The following ZFHX3 variants were observed in gnomAD, a reference collection of about 807,000 sequenced individuals.
ZFHX3 encodes the protein zinc finger homeobox protein 3.
Under a neutral mutation model 279.1 loss-of-function variants are expected in ZFHX3, and 42 were observed. That is an observed-to-expected ratio of 0.15 (90% CI 0.12 to 0.19). The LOEUF (loss-of-function observed/expected upper bound fraction) is 0.19, where lower values mean the gene tolerates loss of function less well. Among genes scored for constraint, ZFHX3 ranks in the 10% least tolerant of loss-of-function variants. ZFHX3 has a pLI of 1.00. For synonymous variants in ZFHX3, 2,293 were observed against 1,957.8 expected, an observed-to-expected ratio of 1.17 and a Z score of -4.52; for missense variants, 4,981 against 4,754.0, an observed-to-expected ratio of 1.05 and a Z score of -1.40.
chr16:72,881,422 G>A (rs949413498), intron 4 of ZFHX3, among the ~76,000 whole-genome samples: 1 of 152,176 alleles, frequency 6.6e-6, no homozygotes, highest in South Asian at 2.1e-4. Context: ...TTATAATTGG[G>A]TCACAGTTTG....
intron 4 of ZFHX3, among the ~76,000 whole-genome samples, chr16:72,872,029 T>C (rs1001945219): frequency 6.6e-6 from 1 of 151,762 alleles, no homozygotes; most frequent in African/African-American, 2.4e-5. Context: ...AGCTTGCAGT[T>C]AGCCGAGATC....
chr16:73,249,558 G>A (rs1443343227), intron 5 of ZFHX3, among the ~76,000 whole-genome samples: 16 of 152,138 alleles, frequency 1.1e-4, no homozygotes, highest in African/African-American at 4.8e-5. Context: ...GGGGGAAACC[G>A]CCCCCAAGAT....
intron 7 of ZFHX3, among the ~76,000 whole-genome samples, chr16:73,101,104 T>C (rs1284364749): frequency 1.3e-5 from 2 of 151,896 alleles, no homozygotes; most frequent in Non-Finnish European, 2.9e-5. Flanking sequence ...TGAGTCCCGC[T>C]TGCCTTCTTC....
intron 7 of ZFHX3, among the ~76,000 whole-genome samples, chr16:73,100,725 G>A (rs1190206486): frequency 6.6e-6 from 1 of 151,986 alleles, no homozygotes; most frequent in African/African-American, 2.4e-5. Context: ...AACCTCCCGA[G>A]TAGCTGGGAT....
chr16:73,364,584 G>A (rs1040983551), intron 3 of ZFHX3, among the ~76,000 whole-genome samples: 1 of 152,256 alleles, frequency 6.6e-6, no homozygotes, highest in African/African-American at 2.4e-5. Context: ...AGGGTAGCAT[G>A]GCCTAGTCTG....
chr16:73,501,860 C>G (rs1272039078), intron 2 of ZFHX3, among the ~76,000 whole-genome samples: 1 of 152,122 alleles, frequency 6.6e-6, no homozygotes, highest in Non-Finnish European at 1.5e-5. Flanking sequence ...CCCAACGTCT[C>G]GTCTGTAAGG....
intron 8 of ZFHX3, among the ~76,000 whole-genome samples, chr16:73,084,343 A>G (rs913285847): frequency 2.6e-5 from 4 of 152,128 alleles, no homozygotes; most frequent in African/African-American, 9.7e-5. Context: ...AAACTTAGAA[A>G]CACCACCAAA....
Position 72,919,692 on chromosome 16 carries a change from A to G in ZFHX3, c.3217-29730T>C, listed in dbSNP as rs2039533230. Among the ~76,000 whole-genome samples the G allele has an allele frequency of 2.6e-5, 4 of 151,162 alleles. No homozygotes were observed. In the South Asian group the frequency reaches 8.4e-4, roughly 32 times the overall value. ...ATCTAAAATATACCTCCAATTTTACATAAACGCAATGATCTGTATATGTAA... is the reference window on the plus strand; with the variant it reads ...ATCTAAAATATACCTCCAATTTTACGTAAACGCAATGATCTGTATATGTAA... On this transcript the variant is annotated intron_variant, in intron 3 of 9. Transcript: ENST00000268489.
chr16:73,152,385 A>T (rs1181513110), intron 5 of ZFHX3, among the ~76,000 whole-genome samples: 5 of 152,184 alleles, frequency 3.3e-5, no homozygotes, highest in Non-Finnish European at 7.3e-5. Context: ...GTTTAAATCC[A>T]TATTAAGTCC....
chr16:73,654,920 G>A (rs180904820), intron 2 of ZFHX3, among the ~76,000 whole-genome samples: 98 of 145,574 alleles, frequency 6.7e-4, no homozygotes, highest in African/African-American at 2.4e-3. Context: ...GAGTGCAGTG[G>A]AGTGATCTCT....
intron 1 of ZFHX3, among the ~76,000 whole-genome samples, chr16:73,683,017 G>GAAAGAAAGAAA (rs1567550874): frequency 2.7e-5 from 4 of 148,484 alleles, no homozygotes; most frequent in African/African-American, 1.0e-4. Context: ...GAAAGAGAAA[G>GAAAGAAAGAAA]GAGGGAGGGA....
intron 5 of ZFHX3, among the ~76,000 whole-genome samples, chr16:73,240,018 ATT>A (rs1241608459): frequency 5.0e-5 from 7 of 140,002 alleles, no homozygotes; most frequent in Admixed American, 4.3e-4. Flanking sequence ...TAAGAACCTT[ATT>A]TTGTGTGTGT....
intron 1 of ZFHX3, among the ~76,000 whole-genome samples, chr16:73,708,824 G>A (rs2639320): frequency 0.86 from 131,162 of 152,050 alleles, 57,846 homozygotes; most frequent in Non-Finnish European, 0.95. Context: ...GTAACTTAGG[G>A]GAGAGGAAAT....
chr16:73,615,455 G>A (rs562161541), intron 2 of ZFHX3, among the ~76,000 whole-genome samples: 100 of 152,310 alleles, frequency 6.6e-4, no homozygotes, highest in African/African-American at 1.9e-3. Context: ...TCTCAAAGGG[G>A]CTGGTAACAG....
intron 1 of ZFHX3, among the ~76,000 whole-genome samples, chr16:73,846,749 G>A (rs1365371321): frequency 2.0e-5 from 3 of 152,162 alleles, no homozygotes; most frequent in African/African-American, 7.2e-5. Context: ...TTCAATGTTG[G>A]TGGAAAAGGT....
chr16:73,657,558 C>A (rs570149450), intron 2 of ZFHX3, among the ~76,000 whole-genome samples: 3 of 152,270 alleles, frequency 2.0e-5, no homozygotes, highest in African/African-American at 7.2e-5. Flanking sequence ...TTATCATCTC[C>A]ATAAGAAACC....
At chr16:73,426,892 C>A (rs536894320) in intron 3 of ZFHX3, among the ~76,000 whole-genome samples, 1 of 152,250 alleles carries the variant, frequency 6.6e-6, no homozygotes, top group African/African-American at 2.4e-5. Context: ...CCGAGTTCTG[C>A]CCACATGCAT....
At chr16:73,454,377 C>T (rs1405664748) in intron 3 of ZFHX3, among the ~76,000 whole-genome samples, 1 of 152,062 alleles carries the variant, frequency 6.6e-6, no homozygotes, top group Non-Finnish European at 1.5e-5. Flanking sequence ...ACTCGACAGA[C>T]TTAGTGGAAA....
At chr16:73,546,383 C>CCGGGCAGCTAGGGTTT (rs1353547668) in intron 2 of ZFHX3, among the ~76,000 whole-genome samples, 1 of 151,856 alleles carries the variant, frequency 6.6e-6, no homozygotes, top group African/African-American at 2.4e-5. Flanking sequence ...TTACTGAGCC[C>CCGGGCAGCTAGGGTTT]CGGGCAGCTA....
Sources: allele counts gnomAD v4.1 joint callset (sites outside exome capture counted in the v4.1 genomes callset), GRCh38; gene constraint gnomAD v4.1.1; transcripts MANE v1.5; gene names NCBI Gene and HGNC (gene_info 2026-07-23, HGNC 2026-07-21).